Variants in SLC15A4 observed in about 807,000 individuals in gnomAD.
SLC15A4 encodes hPHT1.
In SLC15A4, 26 loss-of-function variants were observed where a neutral mutation model predicts 46.1. The observed-to-expected ratio is 0.56, with a 90% CI of 0.41 to 0.78. The LOEUF is 0.78. Ranked by LOEUF, SLC15A4 falls within the 30% of genes least tolerant of loss-of-function variation. The probability of loss-of-function intolerance (pLI) is 0.00; values close to 1 mark genes in which losing one functional copy is unlikely to be tolerated. For synonymous variants in SLC15A4, 370 were observed against 333.4 expected (o/e 1.11, Z -1.20); for missense variants, 751 against 755.7 (o/e 0.99, Z 0.07).
chr12:128,807,191 G>A (rs1023221678), intron 5 of SLC15A4, among the ~76,000 whole-genome samples: 4 of 151,964 alleles, frequency 2.6e-5, no homozygotes, highest in Non-Finnish European at 5.9e-5. Context: ...GTGAGCCACC[G>A]TGCCCGGCCT....
intron 5 of SLC15A4, among the ~76,000 whole-genome samples, chr12:128,801,944 T>C (rs189723992): frequency 3.2e-4 from 48 of 152,316 alleles, no homozygotes; most frequent in Admixed American, 2.0e-3. Context: ...ATATGATCCA[T>C]AGGGCGATGA....
intron 1 of SLC15A4, among the ~76,000 whole-genome samples, chr12:128,822,580 C>T (rs561806800): frequency 6.6e-6 from 1 of 152,144 alleles, no homozygotes; most frequent in Non-Finnish European, 1.5e-5. Flanking sequence ...GACAGAGTCT[C>T]GCTCTGTCGC....
At chr12:128,799,457 C>T (rs1955489102) in intron 6 of SLC15A4, 40 bp from the exon 7 acceptor site, 2 of 1,607,752 alleles carry the variant, frequency 1.2e-6, no homozygotes, top group Middle Eastern at 1.7e-4. Context: ...GTGAAAGGGG[C>T]ACTTTAACAC....
At chr12:128,818,174 T>C (rs543995745) in intron 1 of SLC15A4, among the ~76,000 whole-genome samples, 8 of 152,076 alleles carry the variant, frequency 5.3e-5, no homozygotes, top group South Asian at 2.1e-4. Context: ...CCAAGAACGA[T>C]TGTGACCTTT....
chr12:128,823,728 C>G lies in SLC15A4; in HGVS notation c.216G>C (p.Ala72=), dbSNP rs1395421275. 2.6e-6 allele frequency: 4 copies of G among 1,538,698 alleles called. No individual in the cohort carries two copies. The African/African-American group carries it at 4.2e-5, about 16-fold the overall frequency. ...LNGAPFCWEG[A]QASEALLLFM... is the part of the protein sequence containing the mutation. ...AGAGCAGCAGCGCCTCGCTGGCCTGCGCGCCCTCCCAGCAGAACGGCGCCC... is the reference window on the plus strand; with the variant it reads ...AGAGCAGCAGCGCCTCGCTGGCCTGGGCGCCCTCCCAGCAGAACGGCGCCC... Residue 72 remains alanine (A), a synonymous_variant, in exon 1 of 8, where the codon GCG becomes GCC. Coordinates refer to ENST00000266771, the MANE Select transcript of SLC15A4 (RefSeq NM_145648.4).
chr12:128,806,906 T>TTC (rs1424509578), intron 5 of SLC15A4, among the ~76,000 whole-genome samples: 2 of 147,702 alleles, frequency 1.4e-5, no homozygotes, highest in Non-Finnish European at 3.0e-5. Flanking sequence ...CTAGCGCTTT[T>TTC]TTTTTTTTTT....
chr12:128,821,447 T>C (rs1211941088), intron 1 of SLC15A4, among the ~76,000 whole-genome samples: 4 of 152,258 alleles, frequency 2.6e-5, no homozygotes, highest in Non-Finnish European at 5.9e-5. Context: ...ATTCTGCCAC[T>C]GCTTAGTGAA....
intron 1 of SLC15A4, among the ~76,000 whole-genome samples, chr12:128,820,519 G>A (rs1230836813): frequency 6.6e-6 from 1 of 152,236 alleles, no homozygotes; most frequent in East Asian, 1.9e-4. Flanking sequence ...CACAGGCAGA[G>A]TGAAAGCTCA....
At chr12:128,807,273 G>C (rs1469997078) in intron 5 of SLC15A4, among the ~76,000 whole-genome samples, 1 of 152,160 alleles carries the variant, frequency 6.6e-6, no homozygotes, top group East Asian at 1.9e-4. Flanking sequence ...TCTGGCACTT[G>C]TATCCTGCAC....
At chr12:128,814,733 A>G (rs757849332) in intron 2 of SLC15A4, 42 bp downstream of exon 2, 13 of 1,594,962 alleles carry the variant, frequency 8.2e-6, no homozygotes, top group Non-Finnish European at 1.1e-5. Context: ...AGAGATCGAT[A>G]AAGTCCTTTC....
chr12:128,800,010 T>G (rs1955496658), intron 6 of SLC15A4, among the ~76,000 whole-genome samples: 1 of 151,894 alleles, frequency 6.6e-6, no homozygotes, highest in South Asian at 2.1e-4. Flanking sequence ...CCTGGCTAAT[T>G]TTTTGTATTT....
rs559561028 is a variant in SLC15A4 at position 128,823,937 on chromosome 12, C to G, written c.7G>C (p.Gly3Arg). The G allele has an allele frequency of 1.7e-6, 1 of 603,478 alleles. No individual in the cohort carries two copies. The highest frequency in any genetic ancestry group is 6.4e-5 in the Admixed American group (1 of 15,606). The allele number at this position is 603,478 out of a possible 1,614,324, so 37.4% of individuals were successfully genotyped here. A position where few individuals can be genotyped will look rare whatever the true frequency, so the allele number is the denominator to read the frequency against. Residue 3 changes from glycine (G) to arginine (R), a missense_variant, in exon 1 of 8, where the codon GGC becomes CGC. Gly to Arg is a moderately radical substitution (Grantham distance 125). Coordinates refer to ENST00000266771, the MANE Select transcript of SLC15A4 (RefSeq NM_145648.4). ...CGCTCGCCCGCACCGCCCCCAGAGCCCTCCATGCGACGCCGCCAGCTGCCT... is the reference window on the plus strand; with the variant it reads ...CGCTCGCCCGCACCGCCCCCAGAGCGCTCCATGCGACGCCGCCAGCTGCCT... ME[G>R]SGGGAGERAP...
intron 1 of SLC15A4, chr12:128,815,403 C>T (rs2135720088): frequency 3.7e-6 from 1 of 267,604 alleles, no homozygotes; most frequent in Admixed American, 4.9e-5. Context: ...AAAACAGAGT[C>T]CGCTGGGCAT....
At chr12:128,797,999 A>C (rs1049657353) in intron 7 of SLC15A4, among the ~76,000 whole-genome samples, 1 of 152,242 alleles carries the variant, frequency 6.6e-6, no homozygotes, top group Admixed American at 6.5e-5. Flanking sequence ...ACGCCCTGAG[A>C]GCACCAATGC....
chr12:128,823,342 TG>T, intron 1 of SLC15A4, 55 bp downstream of exon 1: 2 of 1,336,664 alleles, frequency 1.5e-6, no homozygotes, highest in Non-Finnish European at 1.9e-6. Flanking sequence ...GGGAAGAGGC[TG>T]GGGCTGGGCA....
chr12:128,810,343 G>T, intron 2 of SLC15A4: 1 of 467,968 alleles, frequency 2.1e-6, no homozygotes, highest in Non-Finnish European at 3.9e-6. Context: ...GTGAAACTGG[G>T]CTACTGTAAT....
chr12:128,823,948 C>A lies in SLC15A4; in HGVS notation c.-5G>T. 4.0e-6 allele frequency: 2 copies of A among 498,386 alleles called. No individual in the cohort carries two copies. Among genetic ancestry groups the A allele is most frequent in the Non-Finnish European group, 5.2e-6 (2 of 386,644 alleles). The allele number at this position is 498,386 out of a possible 1,614,324, so 30.9% of individuals were successfully genotyped here. ...ACCGCCCCCAGAGCCCTCCATGCGACGCCGCCAGCTGCCTCGCCCCGCCGC... is the reference window on the plus strand; with the variant it reads ...ACCGCCCCCAGAGCCCTCCATGCGAAGCCGCCAGCTGCCTCGCCCCGCCGC... On this transcript the variant is annotated 5_prime_UTR_variant, in exon 1 of 8. Coordinates refer to ENST00000266771, the MANE Select transcript of SLC15A4 (RefSeq NM_145648.4).
intron 1 of SLC15A4, among the ~76,000 whole-genome samples, chr12:128,821,127 A>G (rs752191703): frequency 6.6e-6 from 1 of 152,164 alleles, no homozygotes; most frequent in Admixed American, 6.5e-5. Flanking sequence ...AGCCTGCAGA[A>G]CCCTAAACCA....
Position 128,814,613 on chromosome 12 carries a change from C to A in SLC15A4, c.842+162G>T. The A allele has an allele frequency of 1.5e-5, 11 of 713,700 alleles. No individual in the cohort carries two copies. In the South Asian group the frequency reaches 2.1e-4, roughly 14 times the overall value. The allele number at this position is 713,700 out of a possible 1,614,324, so 44.2% of individuals were successfully genotyped here. ...TTTAAGATGGGATAATAAGACCGCACCCGCCTCCTTGGGGAAATGCAGTGT... is the reference window on the plus strand; with the variant it reads ...TTTAAGATGGGATAATAAGACCGCAACCGCCTCCTTGGGGAAATGCAGTGT... On this transcript the variant is annotated intron_variant, in intron 2 of 7. Coordinates refer to ENST00000266771, the MANE Select transcript of SLC15A4 (RefSeq NM_145648.4).
Sources: gnomAD v4.1 joint callset for allele counts (sites outside exome capture counted in the v4.1 genomes callset) on GRCh38, gnomAD v4.1.1 for gene constraint, MANE v1.5 for transcripts, NCBI Gene and HGNC (gene_info 2026-07-23, HGNC 2026-07-21) for gene names.